SIM1: variants seen among roughly 807,000 people sequenced by gnomAD.
SIM1 encodes single-minded homolog 1.
Under a neutral mutation model 78.2 loss-of-function variants are expected in SIM1, and 18 were observed. The ratio of observed to expected loss-of-function variants is 0.23; its 90% CI spans 0.16 to 0.34. SIM1 has a LOEUF of 0.34. Among genes scored for constraint, SIM1 ranks in the 10% least tolerant of loss-of-function variants. The probability of loss-of-function intolerance (pLI) is 1.00; values close to 1 mark genes in which losing one functional copy is unlikely to be tolerated. For synonymous variants in SIM1, 417 were observed against 385.2 expected (o/e 1.08, Z -0.97); for missense variants, 939 against 975.1 (o/e 0.96, Z 0.49).
rs1029155312 is a variant in SIM1, at chr6:100,448,362, G to C, written c.744-110C>G. On this transcript the variant is annotated intron_variant, in intron 7 of 11. Transcript: ENST00000369208. ...CTAGCTGTCCGCCCTCACTTTCCAG[G>C]GCCGATTCAGTCGCCTCATGTGCAA... 3 of 1,377,408 alleles carry C rather than the reference G, an allele frequency of 2.2e-6. No homozygotes were observed. In the African/African-American group the frequency reaches 4.3e-5, roughly 20 times the overall value. The allele number at this position is 1,377,408 out of a possible 1,614,324, so 85.3% of individuals were successfully genotyped here. A position where few individuals can be genotyped will look rare whatever the true frequency, so the allele number is the denominator to read the frequency against.
chr6:100,437,061 A>G (rs1262922679), intron 9 of SIM1, among the ~76,000 whole-genome samples: 3 of 152,142 alleles, frequency 2.0e-5, no homozygotes, highest in Non-Finnish European at 2.9e-5. Flanking sequence ...TTAAAAATAG[A>G]GAGATAGTGT....
intron 10 of SIM1, among the ~76,000 whole-genome samples, chr6:100,406,755 C>T (rs1006403331): frequency 9.9e-5 from 15 of 152,242 alleles, no homozygotes; most frequent in Non-Finnish European, 1.8e-4. Flanking sequence ...ATTTAATGTA[C>T]GTATACATTG....
chr6:100,418,064 A>C lies in SIM1; in HGVS notation c.1167+2726T>G, dbSNP rs188327316. On this transcript the variant is annotated intron_variant, in intron 10 of 11. Transcript: ENST00000369208. ...ATAGAACATTTCTAGAAGAAAGAAC[A>C]ATTTTGGAGAGAAAAAATGAAAAAT... Among the ~76,000 whole-genome samples the C allele has an allele frequency of 2.3e-3, 350 of 152,302 alleles. 1 individual carries two copies. The highest frequency in any genetic ancestry group is 2.8e-3 in the Non-Finnish European group (190 of 68,024).
rs373803181 is a variant in SIM1, at chr6:100,412,683, AAAAGAAAGAAAGAAAGAAAGAAAGAAAG to A, written c.1167+8079_1167+8106del. On this transcript the variant is annotated intron_variant, in intron 10 of 11. Transcript: ENST00000369208. ...AGAGAGAGAGAGAGAGAAAGAAAGA[AAAAGAAAGAAAGAAAGAAAGAAAGAAAG>A]AAAGAAAGAAAGAAAGAAAGAAAGA... Among the ~76,000 whole-genome samples the A allele has an allele frequency of 4.3e-3, 334 of 77,104 alleles. 8 individuals are homozygous for A. Among genetic ancestry groups the A allele is most frequent in the African/African-American group, 0.015 (301 of 20,536 alleles). 50.6% of individuals were successfully genotyped at this position (77,104 alleles called of 152,430 possible). A position where few individuals can be genotyped will look rare whatever the true frequency, so the allele number is the denominator to read the frequency against.
intron 2 of SIM1, among the ~76,000 whole-genome samples, chr6:100,458,401 C>T (rs1166107181): frequency 6.6e-6 from 1 of 152,032 alleles, no homozygotes; most frequent in African/African-American, 2.4e-5. Context: ...CTACTTGGCG[C>T]AGGGACTCGG....
intron 9 of SIM1, among the ~76,000 whole-genome samples, chr6:100,443,891 A>G (rs78162095): frequency 0.016 from 2,408 of 152,244 alleles, 31 homozygotes; most frequent in Middle Eastern, 0.034. Context: ...GATGTAGATG[A>G]TGTGAATATG....
intron 7 of SIM1, 30 bp from the exon 8 acceptor site, chr6:100,448,282 G>T: frequency 6.4e-7 from 1 of 1,563,374 alleles, no homozygotes. Flanking sequence ...CAGGATGAAT[G>T]CAGGCGCGGG....
At chr6:100,453,713 C>T (rs1441278099) in intron 3 of SIM1, 49 bp downstream of exon 3, 2 of 1,331,400 alleles carry the variant, frequency 1.5e-6, no homozygotes, top group Admixed American at 2.1e-5. Context: ...CAGGGCCAGG[C>T]ACTCAGACCC....
Position 100,393,635 on chromosome 6 carries a change from T to A in SIM1, c.1422A>T (p.Ala474=), listed in dbSNP as rs1005908784. The change falls in exon 11 of 12, where the codon GCA becomes GCT. Residue 474 remains alanine (A), a synonymous_variant. Transcript: ENST00000369208. ...GCGGCGTTCCCAGGAAGTACCTGCC[T>A]GCCTCACATCGGCCTCCTTCACAGG... is the stretch of plus-strand genomic sequence containing the variant. ...TQACEGGRCE[A]GRYFLGTPQA... is the part of the protein sequence containing the mutation. The A allele has an allele frequency of 5.6e-6, 9 of 1,614,050 alleles. No homozygotes were observed. Among genetic ancestry groups the A allele is most frequent in the Non-Finnish European group, 6.8e-6 (8 of 1,179,962 alleles).
chr6:100,443,531 C>T (rs981973482), intron 9 of SIM1, among the ~76,000 whole-genome samples: 1 of 152,056 alleles, frequency 6.6e-6, no homozygotes, highest in Non-Finnish European at 1.5e-5. Context: ...TTCTATCCTA[C>T]GAAAGTCTCC....
rs1188434004 is a variant in SIM1, at chr6:100,389,759, T to C, written c.*602A>G. On this transcript the variant is annotated 3_prime_UTR_variant, in exon 12 of 12. Coordinates refer to ENST00000369208, the MANE Select transcript of SIM1 (RefSeq NM_005068.3). ...AATGGATACCAGGTGAAAACTCATT[T>C]TTGCACCATATCCAGAACCATTTCT... 4 of 399,032 alleles carry C rather than the reference T, an allele frequency of 1.0e-5. No individual in the cohort carries two copies. Among genetic ancestry groups the C allele is most frequent in the African/African-American group, 8.2e-5 (4 of 48,624 alleles). 24.7% of individuals were successfully genotyped at this position (399,032 alleles called of 1,614,324 possible). A position where few individuals can be genotyped will look rare whatever the true frequency, so the allele number is the denominator to read the frequency against.
At chr6:100,446,362 A>G (rs1436378103) in intron 9 of SIM1, among the ~76,000 whole-genome samples, 3 of 152,202 alleles carry the variant, frequency 2.0e-5, no homozygotes, top group Non-Finnish European at 4.4e-5. Flanking sequence ...CTTCCAAAGT[A>G]AACAACCCAT....
At chr6:100,440,925 C>CA (rs1469181072) in intron 9 of SIM1, among the ~76,000 whole-genome samples, 6 of 151,814 alleles carry the variant, frequency 4.0e-5, no homozygotes, top group Non-Finnish European at 8.8e-5. Context: ...AGTCAGGAGA[C>CA]AAAAACATGT....
At chr6:100,448,455 C>T (rs759317253) in intron 7 of SIM1, 24 bp downstream of exon 7, 2 of 1,610,018 alleles carry the variant, frequency 1.2e-6, no homozygotes, top group East Asian at 4.5e-5. Context: ...CTAGGAGAGG[C>T]CCTTTCCGGC....
chr6:100,419,624 C>A (rs978189845), intron 10 of SIM1, among the ~76,000 whole-genome samples: 1 of 151,746 alleles, frequency 6.6e-6, no homozygotes, highest in Non-Finnish European at 1.5e-5. Flanking sequence ...ACTCAGAAAC[C>A]AGTTTGTTTT....
chr6:100,401,055 A>G (rs1278036657), intron 10 of SIM1, among the ~76,000 whole-genome samples: 1 of 152,086 alleles, frequency 6.6e-6, no homozygotes, highest in African/African-American at 2.4e-5. Flanking sequence ...TCACCACCCA[A>G]CTCAGAACAG....
At chr6:100,427,504 G>A (rs550385163) in intron 9 of SIM1, among the ~76,000 whole-genome samples, 1 of 152,266 alleles carries the variant, frequency 6.6e-6, no homozygotes, top group Non-Finnish European at 1.5e-5. Flanking sequence ...CAGACACAAA[G>A]TTTGCTATCA....
intron 10 of SIM1, among the ~76,000 whole-genome samples, chr6:100,402,567 CTTTTTTTTTTTT>C (rs869130841): frequency 2.6e-5 from 2 of 76,336 alleles, no homozygotes; most frequent in Admixed American, 3.4e-4. Context: ...TTTCTTTTCT[CTTTTTTTTTTTT>C]TTTTTTTTTT....
chr6:100,423,124 A>G (rs1209151186), intron 9 of SIM1, among the ~76,000 whole-genome samples: 1 of 152,202 alleles, frequency 6.6e-6, no homozygotes, highest in Non-Finnish European at 1.5e-5. Flanking sequence ...AACTCCAAGG[A>G]CCATATAGAC....
Sources: allele counts gnomAD v4.1 joint callset (sites outside exome capture counted in the v4.1 genomes callset), GRCh38; gene constraint gnomAD v4.1.1; transcripts MANE v1.5; gene names NCBI Gene and HGNC (gene_info 2026-07-23, HGNC 2026-07-21).